CNTN4: variants seen among roughly 807,000 people sequenced by gnomAD.
CNTN4 encodes the protein contactin 4.
In CNTN4, 77 loss-of-function variants were observed where a neutral mutation model predicts 122.5. That is an observed-to-expected ratio of 0.63 (90% CI 0.52 to 0.76). The LOEUF (loss-of-function observed/expected upper bound fraction) is 0.76. Among genes scored for constraint, CNTN4 ranks in the 30% least tolerant of loss-of-function variants. CNTN4 has a pLI of 0.00. For missense variants in CNTN4, 1,256 were observed against 1,259.1 expected, an observed-to-expected ratio of 1.00 and a Z score of 0.04; for synonymous variants, 512 against 447.0, an observed-to-expected ratio of 1.15 and a Z score of -1.83.
At chr3:3,045,380 A>G (rs7618205) in intron 23 of CNTN4, among the ~76,000 whole-genome samples, 39,529 of 152,172 alleles carry the variant, frequency 0.26, 5,414 homozygotes, top group Middle Eastern at 0.35. Context: ...GGTACCCCCC[A>G]GTAGGGGCAG....
intron 3 of CNTN4, among the ~76,000 whole-genome samples, chr3:2,561,871 A>G (rs2078971233): frequency 6.6e-6 from 1 of 152,178 alleles, no homozygotes. Flanking sequence ...TTGAAATGCC[A>G]TGCTGAGAGG....
chr3:2,804,065 G>GCACGCACACACA (rs2092408328), intron 6 of CNTN4, among the ~76,000 whole-genome samples: 1 of 144,326 alleles, frequency 6.9e-6, no homozygotes, highest in African/African-American at 2.6e-5. Flanking sequence ...ATATATGTCT[G>GCACGCACACACA]CACACACACA....
intron 4 of CNTN4, among the ~76,000 whole-genome samples, chr3:2,594,553 G>A (rs993747561): frequency 5.9e-5 from 9 of 151,974 alleles, no homozygotes; most frequent in Admixed American, 2.6e-4. Context: ...CGAGTAGCTG[G>A]GTTTACAGGC....
intron 3 of CNTN4, among the ~76,000 whole-genome samples, chr3:2,499,388 C>A (rs2076536321): frequency 6.6e-6 from 1 of 152,060 alleles, no homozygotes; most frequent in South Asian, 2.1e-4. Context: ...TGAAAATATT[C>A]CTGATTAAAT....
intron 3 of CNTN4, among the ~76,000 whole-genome samples, chr3:2,435,035 T>C (rs1054402305): frequency 1.6e-4 from 25 of 152,174 alleles, no homozygotes; most frequent in African/African-American, 5.8e-4. Context: ...TCTGTGTCTT[T>C]CCAAAATATG....
chr3:2,420,203 A>G (rs1028914005), intron 3 of CNTN4, among the ~76,000 whole-genome samples: 4 of 152,112 alleles, frequency 2.6e-5, no homozygotes, highest in Admixed American at 6.5e-5. Context: ...GTTCCTCAGC[A>G]CTTTTTCCAA....
chr3:2,936,932 G>A (rs746703848), intron 13 of CNTN4, among the ~76,000 whole-genome samples: 16 of 152,112 alleles, frequency 1.1e-4, no homozygotes, highest in Admixed American at 7.2e-4. Flanking sequence ...TGTGGCTGGC[G>A]GCTTTTACAC....
At chr3:2,870,560 C>A (rs1577105324) in intron 8 of CNTN4, among the ~76,000 whole-genome samples, 1 of 152,154 alleles carries the variant, frequency 6.6e-6, no homozygotes, top group Non-Finnish European at 1.5e-5. Flanking sequence ...ATGAAATTCT[C>A]TCTCCTCAAG....
At position 2,925,707 on chromosome 3, in the gene CNTN4, G is replaced by A; in HGVS notation, c.1286G>A (p.Cys429Tyr). The change falls in exon 13 of 25, where the codon TGT becomes TAT. Residue 429 changes from cysteine (C) to tyrosine (Y), a missense_variant. Cys to Tyr is a radical substitution (Grantham distance 194). Transcript: ENST00000418658. ...VKVGGEVVIE[C>Y]KPKASPKPVY... is the part of the protein sequence containing the mutation. ...GTGGGAGGTGAAGTTGTCATTGAGT[G>A]TAAGCCAAAAGCGTCTCCAAAACCT... 6.2e-7 allele frequency: 1 copy of A among 1,613,946 alleles called. No homozygotes were observed. The highest frequency in any genetic ancestry group is 8.5e-7 in the Non-Finnish European group (1 of 1,179,866).
At chr3:2,713,145 G>A (rs2087255281) in intron 4 of CNTN4, among the ~76,000 whole-genome samples, 1 of 152,164 alleles carries the variant, frequency 6.6e-6, no homozygotes, top group Non-Finnish European at 1.5e-5. Flanking sequence ...TCTGAAGTGG[G>A]GGAGCAGTTT....
chr3:2,998,233 T>C lies in CNTN4; in HGVS notation c.1486+9761T>C, dbSNP rs560815716. ...GGAAATTAAATTATAATGACCAGTA[T>C]AGTTGATGAAGGGACACTCTGATGC... On this transcript the variant is annotated intron_variant, in intron 14 of 24. Transcript: ENST00000418658. Among the ~76,000 whole-genome samples the C allele has an allele frequency of 3.3e-5, 5 of 152,306 alleles. No individual in the cohort carries two copies. In the East Asian group the frequency reaches 7.7e-4, roughly 24 times the overall value.
At chr3:2,427,796 T>C (rs545567231) in intron 3 of CNTN4, among the ~76,000 whole-genome samples, 14 of 152,146 alleles carry the variant, frequency 9.2e-5, no homozygotes, top group African/African-American at 2.9e-4. Flanking sequence ...TTAGCTCTTC[T>C]TGTTGAATTG....
chr3:2,692,773 T>G (rs2085811867), intron 4 of CNTN4, among the ~76,000 whole-genome samples: 1 of 152,176 alleles, frequency 6.6e-6, no homozygotes, highest in Admixed American at 6.6e-5. Flanking sequence ...TGTGTTTCAT[T>G]GTATAAAAAT....
At chr3:2,952,716 T>G (rs1247853634) in intron 13 of CNTN4, among the ~76,000 whole-genome samples, 3 of 152,240 alleles carry the variant, frequency 2.0e-5, no homozygotes, top group Non-Finnish European at 4.4e-5. Context: ...TATTACTTAA[T>G]TTTGAACAGT....
chr3:2,622,146 C>T (rs1350663707), intron 4 of CNTN4, among the ~76,000 whole-genome samples: 1 of 152,132 alleles, frequency 6.6e-6, no homozygotes, highest in African/African-American at 2.4e-5. Context: ...TTTGCTGTTT[C>T]TAGATTCTGC....
intron 3 of CNTN4, among the ~76,000 whole-genome samples, chr3:2,481,184 A>G (rs2075995418): frequency 6.7e-6 from 1 of 150,042 alleles, no homozygotes; most frequent in Non-Finnish European, 1.5e-5. Context: ...TCTGTCACCC[A>G]GGCTGGAGTG....
At chr3:2,878,553 CTGTGTGTGTGTGTGTGTGTG>C (rs60925207) in intron 8 of CNTN4, among the ~76,000 whole-genome samples, 1 of 146,844 alleles carries the variant, frequency 6.8e-6, no homozygotes, top group African/African-American at 2.5e-5. Flanking sequence ...GAGATGCTCT[CTGTGTGTGTGTGTGTGTGTG>C]TGTGTGTGTG....
intron 2 of CNTN4, among the ~76,000 whole-genome samples, chr3:2,159,079 C>G (rs1450637683): frequency 6.6e-6 from 1 of 152,084 alleles, no homozygotes; most frequent in Non-Finnish European, 1.5e-5. Context: ...AGTCAGACCT[C>G]TTGTAGCAGG....
chr3:2,818,376 A>G (rs1444409135), intron 6 of CNTN4, among the ~76,000 whole-genome samples: 1 of 152,218 alleles, frequency 6.6e-6, no homozygotes, highest in Non-Finnish European at 1.5e-5. Context: ...AATTGTTGTT[A>G]GGAGTACATG....
Sources: allele counts gnomAD v4.1 joint callset (sites outside exome capture counted in the v4.1 genomes callset), GRCh38; gene constraint gnomAD v4.1.1; transcripts MANE v1.5; gene names NCBI Gene and HGNC (gene_info 2026-07-23, HGNC 2026-07-21).